The following DOCK3 variants were observed in gnomAD, a reference collection of about 807,000 sequenced individuals.
DOCK3 encodes the protein dedicator of cytokinesis protein 3.
DOCK3 carries 60 observed loss-of-function variants against 265.6 expected under a neutral mutation model. The observed-to-expected ratio is 0.23, with a 90% confidence interval of 0.18 to 0.28. The LOEUF (loss-of-function observed/expected upper bound fraction) is 0.28, where lower values mean the gene tolerates loss of function less well. DOCK3 is among the 10% of genes least tolerant of loss of function. DOCK3 has a pLI of 1.00. For synonymous variants in DOCK3, 881 were observed against 938.0 expected (o/e 0.94, Z 1.11); for missense variants, 1,981 against 2,594.3 (o/e 0.76, Z 5.14).
intron 4 of DOCK3, among the ~76,000 whole-genome samples, chr3:50,916,301 T>C (rs2050119983): frequency 6.6e-6 from 1 of 152,002 alleles, no homozygotes; most frequent in Non-Finnish European, 1.5e-5. Context: ...TCGCCCAGGC[T>C]GGAGTGCAGT....
chr3:50,694,857 A>G (rs1169815212), intron 1 of DOCK3, among the ~76,000 whole-genome samples: 1 of 152,142 alleles, frequency 6.6e-6, no homozygotes, highest in Non-Finnish European at 1.5e-5. Flanking sequence ...AAAACAAACA[A>G]AAAGAACTCA....
At chr3:50,752,381 C>G (rs555920838) in intron 1 of DOCK3, among the ~76,000 whole-genome samples, 185 of 152,118 alleles carry the variant, frequency 1.2e-3, no homozygotes, top group African/African-American at 4.3e-3. Context: ...TGGTGGTGTG[C>G]ACCTGTAGTC....
intron 27 of DOCK3, among the ~76,000 whole-genome samples, chr3:51,302,035 AGTCTCC>A (rs1167208713): frequency 7.9e-5 from 12 of 152,316 alleles, no homozygotes; most frequent in African/African-American, 2.6e-4. Context: ...GGAGTGTTAA[AGTCTCC>A]CACTATTATT....
intron 21 of DOCK3, 87 bp from the exon 22 acceptor site, chr3:51,246,639 C>A (rs2108568997): frequency 8.3e-7 from 1 of 1,205,010 alleles, no homozygotes; most frequent in East Asian, 2.5e-5. Context: ...ATATTATTTC[C>A]TATTTGCCTA....
chr3:50,902,219 T>C (rs897337835), intron 4 of DOCK3, among the ~76,000 whole-genome samples: 1 of 152,250 alleles, frequency 6.6e-6, no homozygotes, highest in South Asian at 2.1e-4. Context: ...TTTGCTTTTG[T>C]CGCAATTGCT....
chr3:51,315,015 G>T lies in DOCK3; in HGVS notation c.3289G>T (p.Gly1097Cys). Residue 1097 changes from glycine to cysteine, a missense_variant, in exon 32 of 53, where the codon GGT becomes TGT. Gly to Cys is a radical substitution (Grantham distance 159, BLOSUM62 -3). Coordinates refer to ENST00000266037, the MANE Select transcript of DOCK3 (RefSeq NM_004947.5). ...GATCCACTTTATTCCGGGAATGATT[G>T]GTCCTTTTCTGGGTGTGACACTGGT... ...HKIHFIPGMI[G>C]PFLGVTLVPQ... The T allele has an allele frequency of 2.5e-6, 4 of 1,610,736 alleles. No individual in the cohort carries two copies. Among genetic ancestry groups the T allele is most frequent in the Non-Finnish European group, 3.4e-6 (4 of 1,177,990 alleles).
intron 27 of DOCK3, among the ~76,000 whole-genome samples, chr3:51,309,777 A>G (rs527279782): frequency 1.3e-5 from 2 of 152,198 alleles, no homozygotes; most frequent in Non-Finnish European, 2.9e-5. Flanking sequence ...GGACAAGCAG[A>G]TTTTCAGAGG....
intron 27 of DOCK3, among the ~76,000 whole-genome samples, chr3:51,289,523 A>C (rs1422940774): frequency 1.3e-5 from 2 of 152,230 alleles, no homozygotes; most frequent in East Asian, 1.9e-4. Context: ...ACAAACAACC[A>C]ACCAGAAAAC....
rs1022940686 is a variant in DOCK3 at position 51,227,459 on chromosome 3, C to A, written c.1540+14C>A. On this transcript the variant is annotated intron_variant, in intron 16 of 52. Coordinates refer to ENST00000266037, the MANE Select transcript of DOCK3 (RefSeq NM_004947.5). ...GACATTGTTCCAGTGAGTTAGACTT[C>A]CCCCCCTCCACATTCCCTTGAGAAT... 6.2e-7 allele frequency: 1 copy of A among 1,613,006 alleles called. No homozygotes were observed. The highest frequency in any genetic ancestry group is 8.5e-7 in the Non-Finnish European group (1 of 1,179,286).
chr3:51,056,239 A>G (rs1436520111), intron 5 of DOCK3, among the ~76,000 whole-genome samples: 1 of 151,932 alleles, frequency 6.6e-6, no homozygotes, highest in Non-Finnish European at 1.5e-5. Context: ...GTATTTTATT[A>G]TTATTATTTT....
At chr3:50,953,077 A>T (rs1024919779) in intron 5 of DOCK3, among the ~76,000 whole-genome samples, 7 of 152,006 alleles carry the variant, frequency 4.6e-5, no homozygotes, top group East Asian at 1.9e-4. Context: ...GATTTTAGAA[A>T]TTTTTTTCAG....
intron 5 of DOCK3, among the ~76,000 whole-genome samples, chr3:50,974,616 G>A (rs1168995976): frequency 1.4e-5 from 2 of 144,350 alleles, no homozygotes; most frequent in Non-Finnish European, 3.0e-5. Context: ...TTGACTTGGC[G>A]ATGCGGGCTC....
At chr3:51,048,139 A>G (rs953156064) in intron 5 of DOCK3, among the ~76,000 whole-genome samples, 6 of 151,902 alleles carry the variant, frequency 3.9e-5, no homozygotes, top group African/African-American at 1.2e-4. Flanking sequence ...GATCATCTCA[A>G]TAGATGGGGG....
At chr3:51,308,402 T>C (rs1274293284) in intron 27 of DOCK3, among the ~76,000 whole-genome samples, 5 of 151,632 alleles carry the variant, frequency 3.3e-5, no homozygotes, top group Non-Finnish European at 2.9e-5. Flanking sequence ...TACTTGAGAT[T>C]AGGGAGTGGT....
Position 51,312,070 on chromosome 3 carries a change from T to C in DOCK3, c.3084T>C (p.Phe1028=). 2 of 1,603,128 alleles carry C rather than the reference T, an allele frequency of 1.2e-6. No individual in the cohort carries two copies. The highest frequency in any genetic ancestry group is 1.7e-4 in the Middle Eastern group (1 of 6,056). ...ACAAGAATTTCACAGAGACTGACTT[T>C]GACTTTAAGGTAGGCACTCCTGAAA... ...ALHKNFTETD[F]DFKVWNSYFS... The change falls in exon 29 of 53, where the codon TTT becomes TTC. Residue 1028 remains phenylalanine (F), a synonymous_variant. Transcript: ENST00000266037.
intron 2 of DOCK3, among the ~76,000 whole-genome samples, chr3:50,834,069 A>G (rs1022366800): frequency 1.8e-4 from 28 of 151,892 alleles, no homozygotes; most frequent in Non-Finnish European, 2.9e-4. Context: ...TAATCCATGC[A>G]GTTAACTCCT....
At chr3:50,764,684 C>T (rs1308936676) in intron 1 of DOCK3, among the ~76,000 whole-genome samples, 1 of 152,064 alleles carries the variant, frequency 6.6e-6, no homozygotes, top group Admixed American at 6.6e-5. Context: ...TGACACATAC[C>T]TGTAGTTCCA....
intron 5 of DOCK3, among the ~76,000 whole-genome samples, chr3:51,005,732 C>T (rs553443119): frequency 1.3e-5 from 2 of 152,242 alleles, no homozygotes; most frequent in African/African-American, 2.4e-5. Context: ...CTCATATAAG[C>T]CATCATCATC....
chr3:50,740,838 A>G (rs989463492), intron 1 of DOCK3, among the ~76,000 whole-genome samples: 1 of 152,154 alleles, frequency 6.6e-6, no homozygotes, highest in Non-Finnish European at 1.5e-5. Flanking sequence ...TAAAATATAT[A>G]TAACATAAAG....
Sources: allele counts gnomAD v4.1 joint callset (sites outside exome capture counted in the v4.1 genomes callset), GRCh38; gene constraint gnomAD v4.1.1; transcripts MANE v1.5; gene names NCBI Gene and HGNC (gene_info 2026-07-23, HGNC 2026-07-21).